The following GPR157 variants were observed in gnomAD, a reference collection of about 807,000 sequenced individuals.
GPR157 encodes the protein G-protein coupled receptor 157.
A neutral mutation model predicts 23.5 loss-of-function variants in GPR157; 16 were observed. The observed-to-expected ratio is 0.68, with a 90% confidence interval of 0.46 to 1.04. GPR157 has a LOEUF of 1.04. Among genes scored for constraint, GPR157 ranks in the 50% least tolerant of loss-of-function variants. GPR157 has a pLI of 0.00. For missense variants in GPR157, 440 were observed against 460.7 expected (o/e 0.96, Z 0.41); for synonymous variants, 200 against 221.5 (o/e 0.90, Z 0.86).
chr1:9,123,378 A>G (rs1638867210), intron 1 of GPR157, among the ~76,000 whole-genome samples: 1 of 24,758 alleles, frequency 4.0e-5, no homozygotes, highest in South Asian at 1.1e-3. Flanking sequence ...TAAATTAAAT[A>G]TATATATTTA....
At chr1:9,117,272 T>C (rs538785352) in intron 1 of GPR157, among the ~76,000 whole-genome samples, 9 of 152,212 alleles carry the variant, frequency 5.9e-5, no homozygotes, top group Admixed American at 5.9e-4. Context: ...ATAAAAACGA[T>C]AAGGAGATGA....
rs1638733496 is a variant in GPR157, at chr1:9,118,549, T to TC, written c.384-7061dup. ...ATTTGCCTAGAAATGAAAGCCAGAC[T>TC]CCAAGTCGGCTTCCTTCCCACTCAG... On this transcript the variant is annotated intron_variant, in intron 1 of 3. Coordinates refer to ENST00000377411, the MANE Select transcript of GPR157 (RefSeq NM_024980.5). The surrounding 1 kb of genome is among the most constrained non-coding windows in gnomAD (Gnocchi z 4.6). Among the ~76,000 whole-genome samples the TC allele has an allele frequency of 6.6e-6, 1 of 152,088 alleles. No individual in the cohort carries two copies. The highest frequency in any genetic ancestry group is 2.1e-4 in the South Asian group (1 of 4,826).
chr1:9,115,685 T>A (rs1055566932), intron 1 of GPR157, among the ~76,000 whole-genome samples: 1 of 152,060 alleles, frequency 6.6e-6, no homozygotes, highest in South Asian at 2.1e-4. Flanking sequence ...GTTTTCTGCC[T>A]GCCCCAACAC....
intron 2 of GPR157, among the ~76,000 whole-genome samples, chr1:9,106,302 C>T (rs1254235384): frequency 6.6e-6 from 1 of 152,162 alleles, no homozygotes; most frequent in East Asian, 1.9e-4. Flanking sequence ...TGGGCTCCCT[C>T]CTCCGCCTCT....
chr1:9,116,307 T>TA (rs1638666178), intron 1 of GPR157, among the ~76,000 whole-genome samples: 224 of 12,452 alleles, frequency 0.018, 3 homozygotes, highest in East Asian at 0.028. Context: ...ATATATATTA[T>TA]ATTATATATA....
intron 1 of GPR157, among the ~76,000 whole-genome samples, chr1:9,126,096 T>G (rs1253385407): frequency 1.3e-5 from 2 of 151,938 alleles, no homozygotes; most frequent in African/African-American, 4.8e-5. Context: ...TCCTGAGTAG[T>G]TGGGACACGC....
rs1252749612 is a variant in GPR157, at chr1:9,129,084, G to C, written c.-57C>G. On this transcript the variant is annotated 5_prime_UTR_variant, in exon 1 of 4. Coordinates refer to ENST00000377411, the MANE Select transcript of GPR157 (RefSeq NM_024980.5). Reference sequence around the variant, plus strand: ...AGGACAGAAGCCGGGCCGCGCGTGCGGCCACGCCGCCGCCGTCTGGGCACC... The same window carrying C: ...AGGACAGAAGCCGGGCCGCGCGTGCCGCCACGCCGCCGCCGTCTGGGCACC... 12 of 1,204,836 alleles carry C rather than the reference G, an allele frequency of 1.0e-5. No individual in the cohort carries two copies. Among genetic ancestry groups the C allele is most frequent in the Admixed American group, 8.9e-5 (2 of 22,540 alleles). The allele number at this position is 1,204,836 out of a possible 1,614,324, so 74.6% of individuals were successfully genotyped here.
At position 9,102,364 on chromosome 1, in the gene GPR157, T is replaced by C. The variant is rs974287729; in HGVS notation, c.*2055A>G. The stretch of plus-strand genomic sequence containing the variant: ...AGGCGGTGGTTGCAGTGAGTCAAAA[T>C]TGCACCACTGCACTCCAGCCTGGGC... On this transcript the variant is annotated 3_prime_UTR_variant, in exon 4 of 4. Transcript: ENST00000377411. The C allele has an allele frequency of 7.0e-6, 1 of 142,150 alleles. No homozygotes were observed. The highest frequency in any genetic ancestry group is 7.3e-5 in the Admixed American group (1 of 13,614). The allele number at this position is 142,150 out of a possible 1,614,324, so 8.8% of individuals were successfully genotyped here.
chr1:9,121,078 A>G (rs911543705), intron 1 of GPR157, among the ~76,000 whole-genome samples: 3 of 152,180 alleles, frequency 2.0e-5, no homozygotes, highest in Non-Finnish European at 4.4e-5. Context: ...CACGCCTGTA[A>G]TCCCAGCACT....
chr1:9,104,652 G>A lies in GPR157; in HGVS notation c.793-18C>T. The A allele has an allele frequency of 6.4e-7, 1 of 1,560,376 alleles. No individual in the cohort carries two copies. Among genetic ancestry groups the A allele is most frequent in the Non-Finnish European group, 8.7e-7 (1 of 1,145,910 alleles). On this transcript the variant is annotated intron_variant, in intron 3 of 3. Transcript: ENST00000377411. ...CCGATACCCTGTCGGGAGAAAAGGA[G>A]CTGTGAGCATGGGGCTGGAGTTGGT...
At chr1:9,123,592 AATGTATATTT>A (rs1181588390) in intron 1 of GPR157, among the ~76,000 whole-genome samples, 4 of 31,632 alleles carry the variant, frequency 1.3e-4, no homozygotes, top group African/African-American at 3.6e-4. Flanking sequence ...ATTTAATATT[AATGTATATTT>A]AATATATATT....
chr1:9,119,425 G>A (rs553927257), intron 1 of GPR157, among the ~76,000 whole-genome samples: 4 of 152,318 alleles, frequency 2.6e-5, no homozygotes, highest in East Asian at 1.9e-4. Flanking sequence ...GAAGACGCAG[G>A]GAGAAGATGG....
chr1:9,115,550 AC>A (rs1285039851), intron 1 of GPR157, among the ~76,000 whole-genome samples: 3 of 151,938 alleles, frequency 2.0e-5, no homozygotes, highest in Non-Finnish European at 4.4e-5. Context: ...CTGGTTGGTG[AC>A]ATGAGCAACT....
At chr1:9,106,643 T>A (rs1285676194) in intron 2 of GPR157, among the ~76,000 whole-genome samples, 1 of 152,190 alleles carries the variant, frequency 6.6e-6, no homozygotes, top group Non-Finnish European at 1.5e-5. Context: ...AGCAGCACCT[T>A]CTGGATAAGG....
chr1:9,104,927 G>C (rs1332687066), intron 3 of GPR157, among the ~76,000 whole-genome samples: 1 of 151,226 alleles, frequency 6.6e-6, no homozygotes, highest in Non-Finnish European at 1.5e-5. Context: ...TTGAACCCAG[G>C]AGGCGGAAGT....
rs1553174074 is a variant in GPR157, at chr1:9,105,068, CAT to C, written c.792+416_792+417del. Among the ~76,000 whole-genome samples the C allele has an allele frequency of 1.4e-5, 2 of 144,476 alleles. No individual in the cohort carries two copies. The highest frequency in any genetic ancestry group is 3.0e-5 in the Non-Finnish European group (2 of 66,860). 94.8% of individuals were successfully genotyped at this position (144,476 alleles called of 152,430 possible). A position where few individuals can be genotyped will look rare whatever the true frequency, so the allele number is the denominator to read the frequency against. ...ACACACACACACACACACACACACA[CAT>C]GCATACACACATGCATACATGCACA... On this transcript the variant is annotated intron_variant, in intron 3 of 3. Coordinates refer to ENST00000377411, the MANE Select transcript of GPR157 (RefSeq NM_024980.5). This position sits in a 1 kb window ranked among gnomAD's most constrained non-coding sequence, Gnocchi z 4.8.
At chr1:9,117,829 C>T (rs1044468245) in intron 1 of GPR157, among the ~76,000 whole-genome samples, 1 of 152,120 alleles carries the variant, frequency 6.6e-6, no homozygotes, top group Non-Finnish European at 1.5e-5. Flanking sequence ...ACAGTTCTGA[C>T]ATGTAACACC....
chr1:9,107,152 C>T (rs1244593672), intron 2 of GPR157, among the ~76,000 whole-genome samples: 2 of 152,128 alleles, frequency 1.3e-5, no homozygotes, highest in Non-Finnish European at 1.5e-5. Flanking sequence ...AGAATGCAAG[C>T]CCCCTCCCTG....
At position 9,123,712 on chromosome 1, in the gene GPR157, GTATT is replaced by G. The variant is rs1379682215; in HGVS notation, c.383+4929_383+4932del. On this transcript the variant is annotated intron_variant, in intron 1 of 3. Coordinates refer to ENST00000377411, the MANE Select transcript of GPR157 (RefSeq NM_024980.5). ...TTAATATATATTTAATTTTAAATAT[GTATT>G]TATATATAATTTTAAATATATATTT... 4.1e-4 allele frequency among the ~76,000 whole-genome samples: 34 copies of G among 82,450 alleles called. 2 individuals carry two copies. The highest frequency in any genetic ancestry group is 5.3e-4 in the Non-Finnish European group (24 of 45,390). 54.1% of individuals were successfully genotyped at this position (82,450 alleles called of 152,430 possible).
Sources: gnomAD v4.1 joint callset for allele counts (sites outside exome capture counted in the v4.1 genomes callset) on GRCh38, gnomAD v4.1.1 for gene constraint, Gnocchi (gnomAD v3.1) non-coding constraint, MANE v1.5 for transcripts, NCBI Gene and HGNC (gene_info 2026-07-23, HGNC 2026-07-21) for gene names.